TRIM35: variants seen among roughly 807,000 people sequenced by gnomAD.
TRIM35 encodes the protein E3 ubiquitin-protein ligase TRIM35.
TRIM35 carries 37 observed loss-of-function variants against 49.1 expected under a neutral mutation model. That is an observed-to-expected ratio of 0.75 (90% CI 0.58 to 0.99). TRIM35 has a LOEUF of 0.99. TRIM35 is among the 50% of genes least tolerant of loss of function. The pLI is 0.00. For synonymous variants in TRIM35, 302 were observed against 289.3 expected, an observed-to-expected ratio of 1.04 and a Z score of -0.45; for missense variants, 648 against 702.7, an observed-to-expected ratio of 0.92 and a Z score of 0.88.
In TRIM35 at chr8:27,287,745, A is replaced by G. The variant is rs117158211; in HGVS notation, c.1287T>C (p.Arg429=). ...PLVLAIPRRL[R]VELECEEGEL... is the part of the protein sequence containing the mutation. Reference sequence around the variant, plus strand: ...CGCCCTCCTCACACTCCAGCTCCACACGCAGGCGGCGTGGGATGGCCAGGA... The same window carrying G: ...CGCCCTCCTCACACTCCAGCTCCACGCGCAGGCGGCGTGGGATGGCCAGGA... Residue 429 remains arginine (R), a synonymous_variant, in exon 6 of 6, where the codon CGT becomes CGC. Coordinates refer to ENST00000305364, the MANE Select transcript of TRIM35 (RefSeq NM_171982.5). The surrounding 1 kb of genome is among the most constrained non-coding windows in gnomAD (Gnocchi z 6.0). The G allele has an allele frequency of 2.7e-3, 4,343 of 1,610,284 alleles. 165 individuals carry two copies. The East Asian group carries it at 0.066, about 25-fold the overall frequency.
At chr8:27,305,721 A>G (rs939623478) in intron 1 of TRIM35, among the ~76,000 whole-genome samples, 2 of 152,226 alleles carry the variant, frequency 1.3e-5, no homozygotes, top group Non-Finnish European at 2.9e-5. Flanking sequence ...CAGTCCTGCA[A>G]GATGGATAAG....
chr8:27,290,482 T>C (rs1802431203), intron 3 of TRIM35, among the ~76,000 whole-genome samples: 2 of 152,220 alleles, frequency 1.3e-5, no homozygotes, highest in African/African-American at 4.8e-5. Context: ...GTCATGAGAC[T>C]GGGTTGCTAT....
At chr8:27,302,849 A>G (rs1299840182) in intron 1 of TRIM35, among the ~76,000 whole-genome samples, 1 of 152,094 alleles carries the variant, frequency 6.6e-6, no homozygotes, top group Non-Finnish European at 1.5e-5. Flanking sequence ...TCTCAGTGCA[A>G]AAATATGCAA....
rs1401923454 is a variant in TRIM35 at position 27,289,164 on chromosome 8, G to A, written c.902C>T (p.Ser301Phe). The A allele has an allele frequency of 8.1e-6, 13 of 1,613,458 alleles. No homozygotes were observed. Among genetic ancestry groups the A allele is most frequent in the Non-Finnish European group, 9.3e-6 (11 of 1,179,596 alleles). ...CACCTGCCGGCACCCCCGCTCACCA[G>A]ATTCCACAGATGCAAGCATCTTCTT... ...VWKKMLASVE[S>F]VPFSFDPNTA... Residue 301 changes from serine to phenylalanine, a missense_variant and splice_region_variant, in exon 5 of 6, where the codon TCT becomes TTT. Coordinates refer to ENST00000305364, the MANE Select transcript of TRIM35 (RefSeq NM_171982.5).
intron 1 of TRIM35, chr8:27,304,833 G>C (rs1563444706): frequency 4.4e-6 from 2 of 456,594 alleles, no homozygotes; most frequent in East Asian, 1.4e-4. Flanking sequence ...TGGTGAGTTG[G>C]TAAAAAGTTC....
Position 27,287,105 on chromosome 8 carries a change from T to TTCTGACCC in TRIM35, c.*437_*444dup, listed in dbSNP as rs1246802496. On this transcript the variant is annotated 3_prime_UTR_variant, in exon 6 of 6. Transcript: ENST00000305364. The surrounding 1 kb of genome is among the most constrained non-coding windows in gnomAD (Gnocchi z 6.0). Reference sequence around the variant, plus strand: ...ACACGTTCCCCTCCCTCCTTCCGCCTTCTGACCCACCGTGGGGCTTTCCTA... The same window carrying TTCTGACCC: ...ACACGTTCCCCTCCCTCCTTCCGCCTTCTGACCCTCTGACCCACCGTGGGGCTTTCCTA... 1.9e-5 allele frequency: 3 copies of TTCTGACCC among 158,434 alleles called. No individual in the cohort carries two copies. Among genetic ancestry groups the TTCTGACCC allele is most frequent in the African/African-American group, 7.2e-5 (3 of 41,566 alleles). 9.8% of individuals were successfully genotyped at this position (158,434 alleles called of 1,614,324 possible).
chr8:27,309,828 A>T (rs1802871163), intron 1 of TRIM35, among the ~76,000 whole-genome samples: 2 of 110,284 alleles, frequency 1.8e-5, no homozygotes, highest in African/African-American at 3.9e-5. Flanking sequence ...ACTAGAAATT[A>T]AAAAAAAAAA....
chr8:27,307,956 TG>T (rs1802820806), intron 1 of TRIM35, among the ~76,000 whole-genome samples: 1 of 152,214 alleles, frequency 6.6e-6, no homozygotes, highest in Non-Finnish European at 1.5e-5. Flanking sequence ...GAGGTTATCC[TG>T]GATTACCTGG....
Position 27,284,962 on chromosome 8 carries a change from C to G in TRIM35, c.*2588G>C, listed in dbSNP as rs758908513. On this transcript the variant is annotated 3_prime_UTR_variant, in exon 6 of 6. Coordinates refer to ENST00000305364, the MANE Select transcript of TRIM35 (RefSeq NM_171982.5). ...AGCTCACGGAGAAAAATTTTATAAT[C>G]ATATACCAGTTAAAGGGACTTGTGC... 6.6e-6 allele frequency: 1 copy of G among 152,150 alleles called. No homozygotes were observed. The highest frequency in any genetic ancestry group is 1.5e-5 in the Non-Finnish European group (1 of 68,008). 9.4% of individuals were successfully genotyped at this position (152,150 alleles called of 1,614,324 possible).
At chr8:27,295,376 G>A (rs1802544456) in intron 2 of TRIM35, among the ~76,000 whole-genome samples, 1 of 152,204 alleles carries the variant, frequency 6.6e-6, no homozygotes, top group African/African-American at 2.4e-5. Context: ...AATGTGTGCT[G>A]TGGCAATGGC....
At chr8:27,304,003 G>C (rs1288926476) in intron 1 of TRIM35, among the ~76,000 whole-genome samples, 2 of 152,176 alleles carry the variant, frequency 1.3e-5, no homozygotes, top group East Asian at 3.8e-4. Context: ...CTACGTTAAA[G>C]ATTAGTTATA....
At chr8:27,303,245 G>A (rs970955066) in intron 1 of TRIM35, among the ~76,000 whole-genome samples, 5 of 152,192 alleles carry the variant, frequency 3.3e-5, no homozygotes, top group African/African-American at 1.2e-4. Flanking sequence ...TCATTTAACT[G>A]GAGTATTTAA....
At chr8:27,289,389 A>G (rs746648773) in intron 4 of TRIM35, 109 bp from the exon 5 acceptor site, 53 of 858,256 alleles carry the variant, frequency 6.2e-5, no homozygotes, top group Non-Finnish European at 9.1e-5. Context: ...CTCAGGCCCA[A>G]GTTTCCTGGC....
intron 5 of TRIM35, 128 bp from the exon 6 acceptor site, chr8:27,288,255 A>AGGGCTGGAGTGGTGGCAGGGGTT: frequency 1.1e-6 from 1 of 903,620 alleles, no homozygotes; most frequent in Non-Finnish European, 1.6e-6. Flanking sequence ...GGAGTGGCCC[A>AGGGCTGGAGTGGTGGCAGGGGTT]GGGCTGGAGT....
At position 27,290,055 on chromosome 8, in the gene TRIM35, C is replaced by T. The variant is rs7815577; in HGVS notation, c.785+101G>A. 9,965 of 1,370,316 alleles carry T rather than the reference C, an allele frequency of 7.3e-3. 510 individuals are homozygous for T. In the African/African-American group the frequency reaches 0.12, roughly 16 times the overall value. The allele number at this position is 1,370,316 out of a possible 1,614,324, so 84.9% of individuals were successfully genotyped here. A position where few individuals can be genotyped will look rare whatever the true frequency, so the allele number is the denominator to read the frequency against. On this transcript the variant is annotated intron_variant, in intron 4 of 5. Transcript: ENST00000305364. ...CCAGTAGCTCATGTGTGCTGGTGCACCCAGCTGGTTGTTACCTGCTTGCCC... is the reference window on the plus strand; with the variant it reads ...CCAGTAGCTCATGTGTGCTGGTGCATCCAGCTGGTTGTTACCTGCTTGCCC...
At position 27,285,888 on chromosome 8, in the gene TRIM35, G is replaced by C. The variant is rs868496392; in HGVS notation, c.*1662C>G. ...TGTGAGGCTGAGCATCTTCCAACCA[G>C]GTGCATGCACTGGTTTGCCAACATC... On this transcript the variant is annotated 3_prime_UTR_variant, in exon 6 of 6. Transcript: ENST00000305364. The C allele has an allele frequency of 5.4e-5, 16 of 296,212 alleles. No individual in the cohort carries two copies. The highest frequency in any genetic ancestry group is 2.4e-4 in the African/African-American group (11 of 45,358). 18.3% of individuals were successfully genotyped at this position (296,212 alleles called of 1,614,324 possible).
chr8:27,307,823 T>C (rs79519052), intron 1 of TRIM35, among the ~76,000 whole-genome samples: 5,206 of 152,306 alleles, frequency 0.034, 257 homozygotes, highest in African/African-American at 0.1. Flanking sequence ...ATGGGGATAA[T>C]AGCACCTAAC....
chr8:27,288,739 T>C (rs1802390974), intron 5 of TRIM35, among the ~76,000 whole-genome samples: 1 of 152,160 alleles, frequency 6.6e-6, no homozygotes, highest in African/African-American at 2.4e-5. Flanking sequence ...GACCAAGGGA[T>C]GTTAGGACAG....
At chr8:27,289,370 T>G in intron 4 of TRIM35, 90 bp from the exon 5 acceptor site, 1 of 1,045,438 alleles carries the variant, frequency 9.6e-7, no homozygotes, top group Non-Finnish European at 1.5e-6. Flanking sequence ...ACAGGACTTG[T>G]TCCCTTCCCT....
Sources: gnomAD v4.1 joint callset for allele counts (sites outside exome capture counted in the v4.1 genomes callset) on GRCh38, gnomAD v4.1.1 for gene constraint, Gnocchi (gnomAD v3.1) non-coding constraint, MANE v1.5 for transcripts, NCBI Gene and HGNC (gene_info 2026-07-23, HGNC 2026-07-21) for gene names.